PTPRN2: variants seen among roughly 807,000 people sequenced by gnomAD.
PTPRN2 encodes protein tyrosine phosphatase receptor type N2.
PTPRN2 carries 74 observed loss-of-function variants against 118.8 expected under a neutral mutation model. The ratio of observed to expected loss-of-function variants is 0.62; its 90% CI spans 0.52 to 0.76. The LOEUF (loss-of-function observed/expected upper bound fraction) is 0.76, where lower values mean the gene tolerates loss of function less well. Ranked by LOEUF, PTPRN2 falls within the 30% of genes least tolerant of loss-of-function variation. PTPRN2 has a pLI of 0.00. For synonymous variants in PTPRN2, 641 were observed against 608.0 expected (o/e 1.05, Z -0.80); for missense variants, 1,481 against 1,394.4 (o/e 1.06, Z -0.99).
At chr7:157,865,989 TC>T (rs1395537966) in intron 12 of PTPRN2, 5 of 152,408 alleles carry the variant, frequency 3.3e-5, no homozygotes, top group African/African-American at 9.7e-5. Flanking sequence ...CCGGCCTCCT[TC>T]CCCGCTGCCG....
At chr7:158,332,772 T>C (rs1484724790) in intron 2 of PTPRN2, among the ~76,000 whole-genome samples, 29 of 134,142 alleles carry the variant, frequency 2.2e-4, no homozygotes, top group East Asian at 1.5e-3. Context: ...CTCACACCCA[T>C]ACTCTCACCA....
intron 11 of PTPRN2, among the ~76,000 whole-genome samples, chr7:157,904,635 C>T (rs1483031350): frequency 1.3e-5 from 2 of 152,254 alleles, no homozygotes; most frequent in South Asian, 2.1e-4. Flanking sequence ...GTTCCCTTGG[C>T]GCTGTGGAAC....
At chr7:157,582,882 A>C (rs199577798) in intron 17 of PTPRN2, among the ~76,000 whole-genome samples, 2,092 of 151,152 alleles carry the variant, frequency 0.014, 44 homozygotes, top group African/African-American at 0.045. Context: ...CTCAAAAAAA[A>C]AAAACAAAAC....
At chr7:158,584,740 G>A (rs963583511) in intron 1 of PTPRN2, among the ~76,000 whole-genome samples, 7 of 152,326 alleles carry the variant, frequency 4.6e-5, no homozygotes, top group East Asian at 3.9e-4. Flanking sequence ...AGTCAGCATC[G>A]TGGAGTGCGG....
At chr7:157,819,111 C>T (rs73746644) in intron 12 of PTPRN2, among the ~76,000 whole-genome samples, 2,727 of 152,298 alleles carry the variant, frequency 0.018, 79 homozygotes, top group African/African-American at 0.061. Context: ...CCCCAAACAC[C>T]TGCTGGGCCT....
chr7:157,727,937 A>T lies in PTPRN2; in HGVS notation c.1789-45000T>A, dbSNP rs1799689892. On this transcript the variant is annotated intron_variant, in intron 12 of 22. Transcript: ENST00000389418. Reference sequence around the variant, plus strand: ...AGAAACCCACCCTCCATCCTTCCACACTCAGAGCCTCCTCCCAGCTGAGCA... The same window carrying T: ...AGAAACCCACCCTCCATCCTTCCACTCTCAGAGCCTCCTCCCAGCTGAGCA... Among the ~76,000 whole-genome samples, 3 of 151,704 alleles carry T rather than the reference A, an allele frequency of 2.0e-5. No homozygotes were observed. In the South Asian group the frequency reaches 6.3e-4, roughly 32 times the overall value.
intron 11 of PTPRN2, among the ~76,000 whole-genome samples, chr7:157,933,886 A>C (rs55924756): frequency 0.14 from 20,851 of 148,034 alleles, 1,378 homozygotes; most frequent in Non-Finnish European, 0.19. Context: ...GTTTTAGTGG[A>C]GGGATGAGTC....
Position 158,071,613 on chromosome 7 carries a change from G to GTGGTGGTGGAGGTGCTCA in PTPRN2, c.1723+9684_1723+9685insTGAGCACCTCCACCACCA, listed in dbSNP as rs1563392420. The stretch of plus-strand genomic sequence containing the variant: ...GGAGGTGCTCCTGGTGGAGGTGCTC[G>GTGGTGGTGGAGGTGCTCA]TGGTGGAGGTGCTCGTGGTGGTGGA... On this transcript the variant is annotated intron_variant, in intron 11 of 22. Coordinates refer to ENST00000389418, the MANE Select transcript of PTPRN2 (RefSeq NM_002847.5). 5.8e-4 allele frequency among the ~76,000 whole-genome samples: 33 copies of GTGGTGGTGGAGGTGCTCA among 57,044 alleles called. 1 individual carries two copies. Among genetic ancestry groups the GTGGTGGTGGAGGTGCTCA allele is most frequent in the Non-Finnish European group, 1.1e-3 (30 of 26,730 alleles). The allele number at this position is 57,044 out of a possible 152,430, so 37.4% of individuals were successfully genotyped here. A position where few individuals can be genotyped will look rare whatever the true frequency, so the allele number is the denominator to read the frequency against.
chr7:157,576,575 C>T, intron 19 of PTPRN2, 38 bp downstream of exon 19: 1 of 1,569,692 alleles, frequency 6.4e-7, no homozygotes, highest in Non-Finnish European at 8.7e-7. Context: ...GCCGCGCGCT[C>T]AGCGCGCACT....
At chr7:157,835,877 A>G (rs759302266) in intron 12 of PTPRN2, among the ~76,000 whole-genome samples, 2 of 151,776 alleles carry the variant, frequency 1.3e-5, no homozygotes, top group Non-Finnish European at 2.9e-5. Context: ...CTTTCTAAAC[A>G]TGAGAGCGAT....
At chr7:158,256,702 G>T (rs1797047365) in intron 3 of PTPRN2, among the ~76,000 whole-genome samples, 1 of 152,090 alleles carries the variant, frequency 6.6e-6, no homozygotes, top group Admixed American at 6.5e-5. Context: ...TACCCTGGTG[G>T]CTTGAGAGCA....
intron 11 of PTPRN2, among the ~76,000 whole-genome samples, chr7:158,058,735 G>C (rs1300329108): frequency 3.4e-5 from 3 of 88,050 alleles, no homozygotes; most frequent in African/African-American, 1.2e-4. Context: ...CCCACGGTGA[G>C]ACATCACTAC....
intron 12 of PTPRN2, chr7:157,854,405 C>T (rs1809528179): frequency 6.6e-6 from 1 of 152,388 alleles, no homozygotes. Flanking sequence ...CCTCATGGGG[C>T]CAAAGAGCAG....
At chr7:158,132,014 A>T (rs1818361964) in intron 9 of PTPRN2, among the ~76,000 whole-genome samples, 1 of 81,112 alleles carries the variant, frequency 1.2e-5, no homozygotes, top group African/African-American at 7.5e-5. Context: ...ATGCATAGAT[A>T]CACATCTATG....
chr7:157,818,162 G>A (rs1806550805), intron 12 of PTPRN2, among the ~76,000 whole-genome samples: 1 of 151,644 alleles, frequency 6.6e-6, no homozygotes, highest in Admixed American at 6.6e-5. Context: ...TGGTGTGTGT[G>A]GTAGGTGTGT....
intron 1 of PTPRN2, among the ~76,000 whole-genome samples, chr7:158,510,208 A>G (rs1300137265): frequency 1.3e-5 from 2 of 152,226 alleles, no homozygotes; most frequent in Admixed American, 6.5e-5. Flanking sequence ...AATATTTAAC[A>G]TAGTTTCAAT....
At chr7:157,658,951 C>T (rs1224565194) in intron 13 of PTPRN2, among the ~76,000 whole-genome samples, 3 of 152,040 alleles carry the variant, frequency 2.0e-5, no homozygotes, top group East Asian at 2.0e-4. Context: ...CCTTGCACTC[C>T]CCAAGGCAAT....
chr7:157,719,735 C>G (rs1799132022), intron 12 of PTPRN2, among the ~76,000 whole-genome samples: 1 of 152,262 alleles, frequency 6.6e-6, no homozygotes, highest in African/African-American at 2.4e-5. Context: ...TCCCCAGACC[C>G]CTCTCTGAAG....
chr7:158,163,553 A>G (rs1373777310), intron 6 of PTPRN2, among the ~76,000 whole-genome samples: 1 of 150,628 alleles, frequency 6.6e-6, no homozygotes, highest in African/African-American at 2.5e-5. Flanking sequence ...TGTATTTCAT[A>G]GGTGACGCCT....
Sources: gnomAD v4.1 joint callset for allele counts (sites outside exome capture counted in the v4.1 genomes callset) on GRCh38, gnomAD v4.1.1 for gene constraint, MANE v1.5 for transcripts, NCBI Gene and HGNC (gene_info 2026-07-23, HGNC 2026-07-21) for gene names.